PCNX1: variants seen among roughly 807,000 people sequenced by gnomAD.
The protein encoded by PCNX1 is pecanex 1.
In PCNX1, 78 loss-of-function variants were observed where a neutral mutation model predicts 242.2. The observed-to-expected ratio is 0.32, with a 90% confidence interval of 0.27 to 0.39. PCNX1 has a LOEUF of 0.39. PCNX1 is among the 10% of genes least tolerant of loss of function. PCNX1 has a pLI of 1.00. For missense variants in PCNX1, 2,581 were observed against 2,856.5 expected, an observed-to-expected ratio of 0.90 and a Z score of 2.20; for synonymous variants, 1,024 against 1,032.9, an observed-to-expected ratio of 0.99 and a Z score of 0.17.
At position 71,114,269 on chromosome 14, in the gene PCNX1, CTTTT is replaced by C. The variant is rs910592715; in HGVS notation, c.*4337_*4340del. The stretch of plus-strand genomic sequence containing the variant: ...CCAATCGTTTTCTCCATTTATCTAT[CTTTT>C]TTGTTTGTTTTTAATTTGGTTGATT... On this transcript the variant is annotated 3_prime_UTR_variant, in exon 36 of 36. Coordinates refer to ENST00000304743, the MANE Select transcript of PCNX1 (RefSeq NM_014982.3). 6 of 151,996 alleles carry C rather than the reference CTTTT, an allele frequency of 3.9e-5. No homozygotes were observed. The highest frequency in any genetic ancestry group is 1.2e-4 in the African/African-American group (5 of 41,382). The allele number at this position is 151,996 out of a possible 1,614,324, so 9.4% of individuals were successfully genotyped here.
intron 8 of PCNX1, among the ~76,000 whole-genome samples, chr14:71,000,526 ATTTTT>A (rs3083305): frequency 1.6e-5 from 2 of 126,714 alleles, no homozygotes; most frequent in South Asian, 2.5e-4. Flanking sequence ...CTGTCCCTTG[ATTTTT>A]TTTTTTTTTT....
intron 2 of PCNX1, 58 bp from the exon 3 acceptor site, chr14:70,962,168 A>G (rs1285087925): frequency 9.8e-7 from 1 of 1,021,358 alleles, no homozygotes; most frequent in Non-Finnish European, 1.5e-6. Flanking sequence ...TTAACAAAGG[A>G]AAAGCATTGG....
At chr14:70,991,441 T>C (rs1022442256) in intron 7 of PCNX1, among the ~76,000 whole-genome samples, 34 of 152,144 alleles carry the variant, frequency 2.2e-4, no homozygotes, top group African/African-American at 8.2e-4. Context: ...CCTGACCTCG[T>C]GATCCACCCG....
In PCNX1 at chr14:71,009,899, A is replaced by T. The variant is rs1406541232; in HGVS notation, c.2720+175A>T. 6.9e-6 allele frequency: 3 copies of T among 436,996 alleles called. No individual in the cohort carries two copies. The East Asian group carries it at 9.9e-5, about 14-fold the overall frequency. 27.1% of individuals were successfully genotyped at this position (436,996 alleles called of 1,614,324 possible). On this transcript the variant is annotated intron_variant, in intron 9 of 35. Coordinates refer to ENST00000304743, the MANE Select transcript of PCNX1 (RefSeq NM_014982.3). ...ATACAACCTGATGTTTTGAAATATC[A>T]TATACATTGGCTTAATTGAGCTAAA...
intron 1 of PCNX1, among the ~76,000 whole-genome samples, chr14:70,920,907 C>A (rs2056349204): frequency 6.6e-6 from 1 of 152,108 alleles, no homozygotes; most frequent in Non-Finnish European, 1.5e-5. Flanking sequence ...ATGGTGGGAC[C>A]TTTATGAGGT....
intron 8 of PCNX1, among the ~76,000 whole-genome samples, chr14:70,996,662 C>T (rs2059362128): frequency 6.6e-6 from 1 of 152,036 alleles, no homozygotes; most frequent in African/African-American, 2.4e-5. Context: ...TCTCAGAATG[C>T]AGGTTAGTAA....
At chr14:71,017,270 T>A (rs1251761730) in intron 11 of PCNX1, among the ~76,000 whole-genome samples, 1 of 152,126 alleles carries the variant, frequency 6.6e-6, no homozygotes, top group Non-Finnish European at 1.5e-5. Flanking sequence ...TAGGCCCAGA[T>A]GGCATCAAAA....
At chr14:70,914,648 G>T (rs1023600334) in intron 1 of PCNX1, among the ~76,000 whole-genome samples, 1 of 152,142 alleles carries the variant, frequency 6.6e-6, no homozygotes, top group South Asian at 2.1e-4. Context: ...TAGGAAAGTT[G>T]AGAAAATTGT....
chr14:71,109,176 T>G (rs1219537495), intron 34 of PCNX1, 130 bp downstream of exon 34: 33 of 942,386 alleles, frequency 3.5e-5, no homozygotes, highest in Non-Finnish European at 5.0e-5. Context: ...TTTTTGAATG[T>G]TGGGGAAAAA....
At chr14:70,910,229 T>TCCTCCTC (rs1375541677) in intron 1 of PCNX1, among the ~76,000 whole-genome samples, 3 of 69,488 alleles carry the variant, frequency 4.3e-5, no homozygotes, top group Non-Finnish European at 6.3e-5. Context: ...CTCCTCCTCC[T>TCCTCCTC]CTCACCAGCA....
Position 71,109,985 on chromosome 14 carries a change from A to C in PCNX1, c.*50A>C. On this transcript the variant is annotated 3_prime_UTR_variant, in exon 36 of 36. Transcript: ENST00000304743. ...TCTTTTTCCCTCTCAATTCCAAGGC[A>C]TTGGAAAAAGAGAGGAACAAGCAGA... 1.3e-6 allele frequency: 2 copies of C among 1,551,350 alleles called. No individual in the cohort carries two copies. Among genetic ancestry groups the C allele is most frequent in the Non-Finnish European group, 1.8e-6 (2 of 1,123,388 alleles).
At chr14:71,034,843 C>A (rs1595323165) in intron 18 of PCNX1, among the ~76,000 whole-genome samples, 1 of 152,222 alleles carries the variant, frequency 6.6e-6, no homozygotes, top group Middle Eastern at 3.4e-3. Context: ...GAGGATGTTT[C>A]ATGTTACGTA....
chr14:70,965,116 A>G (rs1204709207), intron 3 of PCNX1, among the ~76,000 whole-genome samples: 2 of 152,150 alleles, frequency 1.3e-5, no homozygotes, highest in Non-Finnish European at 2.9e-5. Context: ...CATCGTGGTC[A>G]TTGTTACTAT....
chr14:71,101,087 A>C (rs537005360), intron 30 of PCNX1, among the ~76,000 whole-genome samples: 1 of 152,296 alleles, frequency 6.6e-6, no homozygotes, highest in African/African-American at 2.4e-5. Flanking sequence ...ATCCTTAAGG[A>C]TATTCCTTCT....
In PCNX1 at chr14:71,015,685, A is replaced by G. The variant is rs114752884; in HGVS notation, c.2996+2483A>G. On this transcript the variant is annotated intron_variant, in intron 11 of 35. Coordinates refer to ENST00000304743, the MANE Select transcript of PCNX1 (RefSeq NM_014982.3). Reference sequence around the variant, plus strand: ...AACCTACTGTAAGGCAATCACTAAAATAACAAAAGAGTTGTAGCTAATATG... The same window carrying G: ...AACCTACTGTAAGGCAATCACTAAAGTAACAAAAGAGTTGTAGCTAATATG... Among the ~76,000 whole-genome samples, 363 of 152,328 alleles carry G rather than the reference A, an allele frequency of 2.4e-3. 3 individuals carry two copies. The highest frequency in any genetic ancestry group is 8.4e-3 in the African/African-American group (348 of 41,568).
intron 30 of PCNX1, among the ~76,000 whole-genome samples, chr14:71,090,143 G>A (rs2062092243): frequency 6.6e-6 from 1 of 152,164 alleles, no homozygotes; most frequent in Non-Finnish European, 1.5e-5. Context: ...CATTCCATGT[G>A]TTACATAGAA....
At chr14:70,948,203 C>T in intron 2 of PCNX1, among the ~76,000 whole-genome samples, 1 of 152,144 alleles carries the variant, frequency 6.6e-6, no homozygotes, top group Non-Finnish European at 1.5e-5. Flanking sequence ...AGCATGTGAT[C>T]TCTGTGACCC....
At chr14:71,082,609 C>A (rs2061883837) in intron 28 of PCNX1, among the ~76,000 whole-genome samples, 1 of 151,800 alleles carries the variant, frequency 6.6e-6, no homozygotes, top group Admixed American at 6.6e-5. Flanking sequence ...CGTAGCTTTT[C>A]TTTGTCTTTT....
In PCNX1 at chr14:71,110,255, T is replaced by A. The variant is rs536380063; in HGVS notation, c.*320T>A. 2.9e-6 allele frequency: 1 copy of A among 346,546 alleles called. No individual in the cohort carries two copies. The highest frequency in any genetic ancestry group is 2.1e-5 in the African/African-American group (1 of 47,294). The allele number at this position is 346,546 out of a possible 1,614,324, so 21.5% of individuals were successfully genotyped here. On this transcript the variant is annotated 3_prime_UTR_variant, in exon 36 of 36. Coordinates refer to ENST00000304743, the MANE Select transcript of PCNX1 (RefSeq NM_014982.3). ...TTGCCTATGCTTTAAATCAACAAACTCTTCATTTCTAAACTATGATCTCAT... is the reference window on the plus strand; with the variant it reads ...TTGCCTATGCTTTAAATCAACAAACACTTCATTTCTAAACTATGATCTCAT...
Sources: allele counts gnomAD v4.1 joint callset (sites outside exome capture counted in the v4.1 genomes callset), GRCh38; gene constraint gnomAD v4.1.1; transcripts MANE v1.5; gene names NCBI Gene and HGNC (gene_info 2026-07-23, HGNC 2026-07-21).